Variants in AVEN observed in about 807,000 individuals in gnomAD.
The protein encoded by AVEN is apoptosis and caspase activation inhibitor.
Under a neutral mutation model 38.1 loss-of-function variants are expected in AVEN, and 41 were observed. That is an observed-to-expected ratio of 1.08 (90% CI 0.84 to 1.40). AVEN has a LOEUF of 1.40. Ranked by LOEUF, AVEN falls within the 40% of genes most tolerant of loss-of-function variation. The probability of loss-of-function intolerance (pLI) is 0.00; values close to 1 mark genes in which losing one functional copy is unlikely to be tolerated. For missense variants in AVEN, 605 were observed against 438.8 expected (o/e 1.38, Z -3.38); for synonymous variants, 206 against 171.8 (o/e 1.20, Z -1.56).
chr15:33,921,744 A>C (rs1005972856), intron 2 of AVEN, among the ~76,000 whole-genome samples: 3 of 78,068 alleles, frequency 3.8e-5, no homozygotes, highest in Non-Finnish European at 1.0e-4. Context: ...GACAAGAATC[A>C]TACTCAAAAT....
chr15:33,853,413 C>G, the AVEN span: 10 of 1,137,910 alleles, frequency 8.8e-6, no homozygotes, highest in East Asian at 2.4e-4. Flanking sequence ...TGGGTTTTCT[C>G]TTTTTTCTGC....
chr15:33,966,285 C>T (rs1421029379), intron 2 of AVEN, among the ~76,000 whole-genome samples: 1 of 152,112 alleles, frequency 6.6e-6, no homozygotes, highest in East Asian at 1.9e-4. Flanking sequence ...CATTTTTGCT[C>T]ACCTTTTCCC....
intron 2 of AVEN, among the ~76,000 whole-genome samples, chr15:33,951,501 T>A (rs1236866805): frequency 6.6e-6 from 1 of 151,008 alleles, no homozygotes; most frequent in African/African-American, 2.4e-5. Flanking sequence ...ACACAGCACA[T>A]GTATACATAT....
intron 1 of AVEN, among the ~76,000 whole-genome samples, chr15:34,013,223 A>C (rs550338359): frequency 1.3e-5 from 2 of 152,056 alleles, no homozygotes; most frequent in Non-Finnish European, 2.9e-5. Flanking sequence ...CACCACGCCC[A>C]GCTAATATTT....
intron 2 of AVEN, among the ~76,000 whole-genome samples, chr15:33,895,774 A>T (rs983125002): frequency 2.0e-5 from 3 of 152,344 alleles, no homozygotes; most frequent in African/African-American, 7.2e-5. Flanking sequence ...TCTTTTAAAA[A>T]TACAAATCTG....
At chr15:33,966,522 T>TA (rs1334832872) in intron 2 of AVEN, among the ~76,000 whole-genome samples, 1 of 152,104 alleles carries the variant, frequency 6.6e-6, no homozygotes, top group Admixed American at 6.6e-5. Context: ...TTGCCCTCCA[T>TA]AAAAAATGGG....
chr15:34,056,627 G>C (rs1394187501), intron 5 of AVEN, among the ~76,000 whole-genome samples: 2 of 152,210 alleles, frequency 1.3e-5, no homozygotes, highest in African/African-American at 4.8e-5. Context: ...TCTATGAGCA[G>C]ACTCTGAGGA....
rs578087015 is a variant in AVEN at position 33,961,431 on chromosome 15, T to C, written c.445+41601A>G. Among the ~76,000 whole-genome samples the C allele has an allele frequency of 3.3e-5, 5 of 152,320 alleles. No homozygotes were observed. The East Asian group carries it at 9.6e-4, about 29-fold the overall frequency. ...AATTTTGATTCTTAAGGTTCTACTG[T>C]TCTAACGTATCGACTTTTAACTAGT... is the stretch of plus-strand genomic sequence containing the variant. On this transcript the variant is annotated intron_variant, in intron 2 of 5. Transcript: ENST00000306730.
At chr15:33,862,810 C>T (rs1260688769), downstream of AVEN, among the ~76,000 whole-genome samples, 7 of 152,068 alleles carry the variant, frequency 4.6e-5, no homozygotes, top group African/African-American at 1.2e-4. Flanking sequence ...AGGGTTTCAC[C>T]GTGTTGGCCA....
chr15:33,920,262 A>G (rs1372141749), intron 2 of AVEN, among the ~76,000 whole-genome samples: 1 of 152,206 alleles, frequency 6.6e-6, no homozygotes, highest in Non-Finnish European at 1.5e-5. Flanking sequence ...CATTAAGTAT[A>G]TGCATATTGT....
intron 2 of AVEN, among the ~76,000 whole-genome samples, chr15:33,930,865 G>A (rs1893814340): frequency 6.6e-6 from 1 of 150,984 alleles, no homozygotes; most frequent in South Asian, 2.1e-4. Context: ...TGAGGCAGGA[G>A]AGTGGCATGA....
chr15:33,961,420 A>C (rs1895155625), intron 2 of AVEN, among the ~76,000 whole-genome samples: 1 of 152,180 alleles, frequency 6.6e-6, no homozygotes, highest in Admixed American at 6.5e-5. Flanking sequence ...TTGATTCTTA[A>C]GGTTCTACTG....
chr15:33,887,374 G>A (rs1256684077), intron 2 of AVEN, among the ~76,000 whole-genome samples: 2 of 152,160 alleles, frequency 1.3e-5, no homozygotes, highest in Non-Finnish European at 2.9e-5. Context: ...TTTAGACAAT[G>A]TGCCTTTCAA....
At chr15:33,859,292 T>C (rs1340933588) in intron 11 of AVEN, among the ~76,000 whole-genome samples, 1 of 152,262 alleles carries the variant, frequency 6.6e-6, no homozygotes, top group African/African-American at 2.4e-5. Flanking sequence ...GCCATACTCA[T>C]CAAGGCTTAA....
At chr15:33,857,967 C>A, downstream of AVEN, 1 of 1,604,400 alleles carries the variant, frequency 6.2e-7, no homozygotes, top group Non-Finnish European at 8.5e-7. Context: ...GCCACCCCGC[C>A]CCACCACCTC....
intron 2 of AVEN, among the ~76,000 whole-genome samples, chr15:33,894,491 T>C (rs1037947646): frequency 2.3e-5 from 3 of 131,678 alleles, no homozygotes; most frequent in Admixed American, 8.4e-5. Flanking sequence ...ACACAGGCAG[T>C]TGGGGTGGAT....
intron 1 of AVEN, among the ~76,000 whole-genome samples, chr15:34,015,211 C>T (rs943343500): frequency 6.6e-6 from 1 of 152,156 alleles, no homozygotes; most frequent in African/African-American, 2.4e-5. Flanking sequence ...AGGCCGGGCG[C>T]AGTGGCTCAC....
At chr15:34,027,332 T>A (rs571368349) in intron 1 of AVEN, among the ~76,000 whole-genome samples, 1 of 151,752 alleles carries the variant, frequency 6.6e-6, no homozygotes, top group Non-Finnish European at 1.5e-5. Flanking sequence ...CTGGCCAACA[T>A]GGCGAAACTC....
intron 2 of AVEN, among the ~76,000 whole-genome samples, chr15:33,983,743 CAG>C (rs1443518911): frequency 6.6e-6 from 1 of 151,950 alleles, no homozygotes; most frequent in Non-Finnish European, 1.5e-5. Flanking sequence ...AAGGGAAAAA[CAG>C]GGAGTTTACA....
Sources: allele counts gnomAD v4.1 joint callset (sites outside exome capture counted in the v4.1 genomes callset), GRCh38; gene constraint gnomAD v4.1.1; transcripts MANE v1.5; gene names NCBI Gene and HGNC (gene_info 2026-07-23, HGNC 2026-07-21).